Variants in KCNQ1 observed in about 807,000 individuals in gnomAD.
The protein encoded by KCNQ1 is potassium voltage-gated channel subfamily Q member 1.
A neutral mutation model predicts 72.4 loss-of-function variants in KCNQ1; 49 were observed. That is an observed-to-expected ratio of 0.68 (90% CI 0.54 to 0.86). The LOEUF (loss-of-function observed/expected upper bound fraction) is 0.86. Among genes scored for constraint, KCNQ1 ranks in the 40% least tolerant of loss-of-function variants. The pLI is 0.00. For missense variants in KCNQ1, 790 were observed against 945.1 expected, an observed-to-expected ratio of 0.84 and a Z score of 2.15; for synonymous variants, 450 against 412.6, an observed-to-expected ratio of 1.09 and a Z score of -1.10.
At chr11:2,555,904 G>A (rs1323749120) in intron 2 of KCNQ1, among the ~76,000 whole-genome samples, 1 of 152,230 alleles carries the variant, frequency 6.6e-6, no homozygotes, top group Non-Finnish European at 1.5e-5. Flanking sequence ...CCTGGGGAGA[G>A]AGAAGCTTCA....
chr11:2,797,029 A>G lies in KCNQ1; in HGVS notation c.1794+18992A>G, dbSNP rs546810676. Among the ~76,000 whole-genome samples the G allele has an allele frequency of 1.6e-4, 24 of 152,326 alleles. No homozygotes were observed. In the East Asian group the frequency reaches 4.3e-3, roughly 27 times the overall value. ...ATTTTACAACGTATGGGCTGGTGGCAAGTGGCGGCAAACCGTCCCCACGGG... is the reference window on the plus strand; with the variant it reads ...ATTTTACAACGTATGGGCTGGTGGCGAGTGGCGGCAAACCGTCCCCACGGG... On this transcript the variant is annotated intron_variant, in intron 15 of 15. Coordinates refer to ENST00000155840, the MANE Select transcript of KCNQ1 (RefSeq NM_000218.3).
chr11:2,794,481 TG>T (rs1847091466), intron 15 of KCNQ1, among the ~76,000 whole-genome samples: 1 of 151,686 alleles, frequency 6.6e-6, no homozygotes, highest in African/African-American at 2.4e-5. Flanking sequence ...GGGAAGGCAG[TG>T]AGGGAAGCCT....
At chr11:2,609,173 C>G (rs989453343) in intron 10 of KCNQ1, 2 of 398,030 alleles carry the variant, frequency 5.0e-6, no homozygotes, top group Non-Finnish European at 8.9e-6. Flanking sequence ...CTATAAAATT[C>G]CATCTTTACA....
chr11:2,633,534 T>G (rs1849398952), intron 10 of KCNQ1: 1 of 398,464 alleles, frequency 2.5e-6, no homozygotes, highest in African/African-American at 2.1e-5. Flanking sequence ...CAATTTTGAG[T>G]TGATTTTTTT....
intron 15 of KCNQ1, among the ~76,000 whole-genome samples, chr11:2,841,790 T>TG (rs1564913594): frequency 1.3e-5 from 2 of 152,162 alleles, no homozygotes; most frequent in Non-Finnish European, 2.9e-5. Context: ...CTGAGGCCCT[T>TG]GGGGGGCCAA....
chr11:2,746,038 C>T lies in KCNQ1; in HGVS notation c.1515-22806C>T, dbSNP rs1031832366. Among the ~76,000 whole-genome samples, 1 of 152,074 alleles carries T rather than the reference C, an allele frequency of 6.6e-6. No homozygotes were observed. The highest frequency in any genetic ancestry group is 1.5e-5 in the Non-Finnish European group (1 of 68,006). On this transcript the variant is annotated intron_variant, in intron 11 of 15. Coordinates refer to ENST00000155840, the MANE Select transcript of KCNQ1 (RefSeq NM_000218.3). This position sits in a 1 kb window ranked among gnomAD's most constrained non-coding sequence, Gnocchi z 5.9. ...CTGAGTAGCTGGGACTACAGGTGTG[C>T]GCCACCACACCTAGCTAATTTTTGT...
rs942499651 is a variant in KCNQ1 at position 2,709,682 on chromosome 11, T to C, written c.1514+47601T>C. ...GCCCCAGTCAGCCACGGCTCTGCTT[T>C]CTATCTCCACGGGTTTGCCTGTTCT... On this transcript the variant is annotated intron_variant, in intron 11 of 15. Coordinates refer to ENST00000155840, the MANE Select transcript of KCNQ1 (RefSeq NM_000218.3). 2.6e-5 allele frequency among the ~76,000 whole-genome samples: 4 copies of C among 152,142 alleles called. No homozygotes were observed. The South Asian group carries it at 8.3e-4, about 32-fold the overall frequency.
In KCNQ1 at chr11:2,579,601, G is replaced by A. The variant is rs780550170; in HGVS notation, c.922-3834G>A. Among the ~76,000 whole-genome samples, 3 of 152,224 alleles carry A rather than the reference G, an allele frequency of 2.0e-5. No homozygotes were observed. Among genetic ancestry groups the A allele is most frequent in the Admixed American group, 1.3e-4 (2 of 15,290 alleles). On this transcript the variant is annotated intron_variant, in intron 6 of 15. Transcript: ENST00000155840. This position sits in a 1 kb window ranked among gnomAD's most constrained non-coding sequence, Gnocchi z 6.0. The stretch of plus-strand genomic sequence containing the variant: ...GGAGGGGCCGTTTCCTTGTTAACTT[G>A]AGGATGAGGGTCTGGGGCCGGGTCT...
rs77453919 is a variant in KCNQ1, at chr11:2,624,329, G to T, written c.1393+35475G>T. 5,151 of 398,446 alleles carry T rather than the reference G, an allele frequency of 0.013. 158 individuals carry two copies. The highest frequency in any genetic ancestry group is 0.081 in the East Asian group (2,282 of 28,040). 24.7% of individuals were successfully genotyped at this position (398,446 alleles called of 1,614,324 possible). On this transcript the variant is annotated intron_variant, in intron 10 of 15. Transcript: ENST00000155840. This position sits in a 1 kb window ranked among gnomAD's most constrained non-coding sequence, Gnocchi z 4.9. ...ATATTTTGGATGAGTCCTTTATCAG[G>T]TATATCTTTTACAAGTATTGTCTCC...
At chr11:2,506,750 G>C (rs76935400) in intron 1 of KCNQ1, among the ~76,000 whole-genome samples, 1 of 152,180 alleles carries the variant, frequency 6.6e-6, no homozygotes, top group African/African-American at 2.4e-5. Context: ...CTACAGTTGC[G>C]CCAGCAGCGT....
intron 15 of KCNQ1, among the ~76,000 whole-genome samples, chr11:2,798,882 G>T (rs895668928): frequency 6.6e-5 from 10 of 152,136 alleles, no homozygotes; most frequent in African/African-American, 2.2e-4. Flanking sequence ...GCCTAATTTG[G>T]GACAGGGGAA....
At chr11:2,685,420 A>G in intron 11 of KCNQ1, 2 of 398,706 alleles carry the variant, frequency 5.0e-6, no homozygotes, top group East Asian at 7.1e-5. Context: ...TCCTTCACAT[A>G]GAATTGTCAC....
At chr11:2,793,490 G>A (rs1201019708) in intron 15 of KCNQ1, among the ~76,000 whole-genome samples, 1 of 133,402 alleles carries the variant, frequency 7.5e-6, no homozygotes. Context: ...CAAGCGTGAT[G>A]GTGTGTGCCT....
chr11:2,522,268 G>T (rs11023179), intron 1 of KCNQ1, among the ~76,000 whole-genome samples: 4 of 146,814 alleles, frequency 2.7e-5, no homozygotes, highest in African/African-American at 1.1e-4. Flanking sequence ...GACCACATGA[G>T]CTGGGGGGGG....
intron 12 of KCNQ1, among the ~76,000 whole-genome samples, chr11:2,775,401 G>C (rs1299755699): frequency 6.6e-6 from 1 of 152,234 alleles, no homozygotes; most frequent in Non-Finnish European, 1.5e-5. Context: ...CACAGCAAGT[G>C]CTGCAGGCTA....
intron 15 of KCNQ1, among the ~76,000 whole-genome samples, chr11:2,796,255 A>T (rs532463481): frequency 6.6e-6 from 1 of 152,336 alleles, no homozygotes; most frequent in African/African-American, 2.4e-5. Context: ...GCCCCCTGCC[A>T]GGTGACGCTG....
At chr11:2,776,693 G>A (rs1330318508) in intron 13 of KCNQ1, among the ~76,000 whole-genome samples, 1 of 152,208 alleles carries the variant, frequency 6.6e-6, no homozygotes, top group Non-Finnish European at 1.5e-5. Context: ...CGAGGGGTCA[G>A]GCTGCCTTGC....
rs945365059 is a variant in KCNQ1 at position 2,564,540 on chromosome 11, A to G, written c.478-6088A>G. Among the ~76,000 whole-genome samples, 9 of 152,252 alleles carry G rather than the reference A, an allele frequency of 5.9e-5. No homozygotes were observed. The highest frequency in any genetic ancestry group is 1.2e-4 in the Non-Finnish European group (8 of 68,044). On this transcript the variant is annotated intron_variant, in intron 2 of 15. Transcript: ENST00000155840. This position sits in a 1 kb window ranked among gnomAD's most constrained non-coding sequence, Gnocchi z 4.5. Reference sequence around the variant, plus strand: ...AACCTGGGAGGCAGAGGTTGCAGTGAGCTGAGATGGTGCCACTGCACTCCT... The same window carrying G: ...AACCTGGGAGGCAGAGGTTGCAGTGGGCTGAGATGGTGCCACTGCACTCCT...
In KCNQ1 at chr11:2,813,431, A is replaced by G. The variant is rs234842; in HGVS notation, c.1795-34336A>G. ...CAAACCCGCCTGCCCGTCAGTGCTT[A>G]GAGCAAATGCCCCTCCCCCGCCATC... On this transcript the variant is annotated intron_variant, in intron 15 of 15. Coordinates refer to ENST00000155840, the MANE Select transcript of KCNQ1 (RefSeq NM_000218.3). This position sits in a 1 kb window ranked among gnomAD's most constrained non-coding sequence, Gnocchi z 4.4. Among the ~76,000 whole-genome samples the G allele has an allele frequency of 0.75, 113,230 of 151,594 alleles. 43,233 individuals are homozygous for G. Among genetic ancestry groups the G allele is most frequent in the East Asian group, 0.97 (4,910 of 5,070 alleles).
Sources: gnomAD v4.1 joint callset for allele counts (sites outside exome capture counted in the v4.1 genomes callset) on GRCh38, gnomAD v4.1.1 for gene constraint, Gnocchi (gnomAD v3.1) non-coding constraint, MANE v1.5 for transcripts, NCBI Gene and HGNC (gene_info 2026-07-23, HGNC 2026-07-21) for gene names.